The following MAPKAP1 variants were observed in gnomAD, a reference collection of about 807,000 sequenced individuals.
The protein encoded by MAPKAP1 is MAPK associated protein 1.
A neutral mutation model predicts 65.7 loss-of-function variants in MAPKAP1; 20 were observed. The ratio of observed to expected loss-of-function variants is 0.30; its 90% CI spans 0.21 to 0.44. The LOEUF (loss-of-function observed/expected upper bound fraction) is 0.44, where lower values mean the gene tolerates loss of function less well. MAPKAP1 is among the 20% of genes least tolerant of loss of function. The probability of loss-of-function intolerance (pLI) is 1.00; values close to 1 mark genes in which losing one functional copy is unlikely to be tolerated. For synonymous variants in MAPKAP1, 222 were observed against 244.3 expected, an observed-to-expected ratio of 0.91 and a Z score of 0.85; for missense variants, 423 against 648.0, an observed-to-expected ratio of 0.65 and a Z score of 3.77.
chr9:125,698,288 A>ATAT (rs1554845629), intron 1 of MAPKAP1, among the ~76,000 whole-genome samples: 51 of 49,042 alleles, frequency 1.0e-3, no homozygotes, highest in African/African-American at 5.0e-3. Flanking sequence ...AATATATATA[A>ATAT]ATATATATAT....
At chr9:125,547,554 G>A (rs760890442) in intron 6 of MAPKAP1, among the ~76,000 whole-genome samples, 42 of 152,164 alleles carry the variant, frequency 2.8e-4, no homozygotes, top group Non-Finnish European at 5.1e-4. Context: ...GGGAGTCGAC[G>A]TTAGTTCTCT....
Position 125,640,324 on chromosome 9 carries a change from C to T in MAPKAP1, c.498+17327G>A, listed in dbSNP as rs1218787800. On this transcript the variant is annotated intron_variant, in intron 4 of 11. Transcript: ENST00000265960. ...TTCATCGTGTTAGCCAGGATGGTCTCGATCTTCTGACCTCGTGATCCGCCC... is the reference window on the plus strand; with the variant it reads ...TTCATCGTGTTAGCCAGGATGGTCTTGATCTTCTGACCTCGTGATCCGCCC... 2.6e-5 allele frequency among the ~76,000 whole-genome samples: 4 copies of T among 152,072 alleles called. No homozygotes were observed. In the East Asian group the frequency reaches 5.8e-4, roughly 22 times the overall value.
intron 9 of MAPKAP1, among the ~76,000 whole-genome samples, chr9:125,481,106 T>C (rs1471884190): frequency 2.0e-5 from 3 of 152,222 alleles, no homozygotes; most frequent in East Asian, 1.9e-4. Context: ...GGGAAAAGAC[T>C]TGTCCAGGTG....
rs1458214631 is a variant in MAPKAP1, at chr9:125,577,539, G to A, written c.671+8016C>T. On this transcript the variant is annotated intron_variant, in intron 5 of 11. Coordinates refer to ENST00000265960, the MANE Select transcript of MAPKAP1 (RefSeq NM_001006617.3). ...AAGTGAGGAGCCCCTCTGCCTGGCC[G>A]GCCGCCCCGTCCAGGAGGGAGGTGG... Among the ~76,000 whole-genome samples the A allele has an allele frequency of 2.5e-4, 32 of 128,316 alleles. 1 individual carries two copies. The East Asian group carries it at 5.3e-3, about 21-fold the overall frequency. 84.2% of individuals were successfully genotyped at this position (128,316 alleles called of 152,430 possible).
chr9:125,563,315 C>T (rs990129275), intron 5 of MAPKAP1, among the ~76,000 whole-genome samples: 2 of 152,226 alleles, frequency 1.3e-5, no homozygotes, highest in African/African-American at 2.4e-5. Context: ...TCCCATGACA[C>T]AGCTTGGTGG....
chr9:125,458,178 TGG>T (rs1289953565), intron 10 of MAPKAP1, among the ~76,000 whole-genome samples: 1 of 152,152 alleles, frequency 6.6e-6, no homozygotes, highest in African/African-American at 2.4e-5. Context: ...AAGGCTAATC[TGG>T]TCGAAGTTAC....
intron 5 of MAPKAP1, chr9:125,565,286 A>T (rs1831016513): frequency 6.5e-6 from 1 of 152,678 alleles, no homozygotes; most frequent in Admixed American, 6.5e-5. Context: ...TATAGATAGC[A>T]TTTAATCCAT....
intron 6 of MAPKAP1, among the ~76,000 whole-genome samples, chr9:125,548,394 G>A (rs1442142065): frequency 6.6e-6 from 1 of 152,188 alleles, no homozygotes; most frequent in Non-Finnish European, 1.5e-5. Flanking sequence ...TCCTAGTGGG[G>A]ATGATGTCTC....
chr9:125,439,159 G>C lies in MAPKAP1; in HGVS notation c.1444-147C>G. 1.2e-6 allele frequency: 1 copy of C among 839,822 alleles called. No homozygotes were observed. The highest frequency in any genetic ancestry group is 2.7e-5 in the East Asian group (1 of 36,766). 52.0% of individuals were successfully genotyped at this position (839,822 alleles called of 1,614,324 possible). ...GTGTGGAAGGAGTCCAGTCATCACA[G>C]CAACCTGGCAGCGGCTGGGCCCAGA... On this transcript the variant is annotated intron_variant, in intron 11 of 11. Coordinates refer to ENST00000265960, the MANE Select transcript of MAPKAP1 (RefSeq NM_001006617.3). The surrounding 1 kb of genome is among the most constrained non-coding windows in gnomAD (Gnocchi z 4.0).
At chr9:125,581,109 G>GA (rs1564568638) in intron 5 of MAPKAP1, among the ~76,000 whole-genome samples, 1 of 152,206 alleles carries the variant, frequency 6.6e-6, no homozygotes, top group East Asian at 1.9e-4. Context: ...TTTACCTGCT[G>GA]AAGGACATTT....
chr9:125,561,541 C>T (rs994082721), intron 5 of MAPKAP1, among the ~76,000 whole-genome samples: 13 of 152,026 alleles, frequency 8.6e-5, no homozygotes, highest in Admixed American at 1.3e-4. Context: ...TCTCTGCAGC[C>T]GGGTACTAAC....
At chr9:125,677,888 G>A (rs1588065514) in intron 1 of MAPKAP1, among the ~76,000 whole-genome samples, 2 of 152,108 alleles carry the variant, frequency 1.3e-5, no homozygotes, top group Non-Finnish European at 2.9e-5. Flanking sequence ...CACAGTAGAA[G>A]GAAAGAAAGA....
chr9:125,481,212 C>T (rs1007356453), intron 9 of MAPKAP1, among the ~76,000 whole-genome samples: 1 of 152,128 alleles, frequency 6.6e-6, no homozygotes, highest in Non-Finnish European at 1.5e-5. Flanking sequence ...GGACTTTTTC[C>T]TTTGAAATAA....
At chr9:125,645,479 A>G (rs1183058331) in intron 4 of MAPKAP1, among the ~76,000 whole-genome samples, 5 of 152,192 alleles carry the variant, frequency 3.3e-5, no homozygotes, top group Non-Finnish European at 7.3e-5. Context: ...GCTCACGCCT[A>G]TGATCCCAGC....
At chr9:125,680,245 GA>G (rs1366866023) in intron 1 of MAPKAP1, among the ~76,000 whole-genome samples, 1 of 151,660 alleles carries the variant, frequency 6.6e-6, no homozygotes, top group Non-Finnish European at 1.5e-5. Flanking sequence ...AGTGAGGGGA[GA>G]AAAAAAGGCT....
chr9:125,597,768 G>A (rs541465563), intron 4 of MAPKAP1, among the ~76,000 whole-genome samples: 2 of 152,260 alleles, frequency 1.3e-5, no homozygotes, highest in East Asian at 3.9e-4. Context: ...GATGCAAATT[G>A]ATAAAAGAGT....
chr9:125,641,740 T>C lies in MAPKAP1; in HGVS notation c.498+15911A>G, dbSNP rs547791411. ...AGGGAAATAGTGAGGCTCTTGTCTC[T>C]ATAAAAATAGGCCAGGCGTGGTGGC... On this transcript the variant is annotated intron_variant, in intron 4 of 11. Coordinates refer to ENST00000265960, the MANE Select transcript of MAPKAP1 (RefSeq NM_001006617.3). Among the ~76,000 whole-genome samples, 12 of 151,822 alleles carry C rather than the reference T, an allele frequency of 7.9e-5. No homozygotes were observed. In the East Asian group the frequency reaches 2.3e-3, roughly 29 times the overall value.
chr9:125,585,243 C>T (rs538876527), intron 5 of MAPKAP1, among the ~76,000 whole-genome samples: 1 of 152,204 alleles, frequency 6.6e-6, no homozygotes, highest in African/African-American at 2.4e-5. Flanking sequence ...GTGCCCAATG[C>T]ATGATTGGTG....
intron 4 of MAPKAP1, among the ~76,000 whole-genome samples, chr9:125,654,073 A>C (rs1234136577): frequency 6.6e-6 from 1 of 152,226 alleles, no homozygotes; most frequent in East Asian, 1.9e-4. Flanking sequence ...AACATAACCT[A>C]ATCTGAAACG....
Sources: allele counts gnomAD v4.1 joint callset (sites outside exome capture counted in the v4.1 genomes callset), GRCh38; gene constraint gnomAD v4.1.1; non-coding constraint Gnocchi (gnomAD v3.1); transcripts MANE v1.5; gene names NCBI Gene and HGNC (gene_info 2026-07-23, HGNC 2026-07-21).